Variants in SYT1 observed in about 807,000 individuals in gnomAD.
SYT1 encodes the protein synaptotagmin-1.
SYT1 carries 8 observed loss-of-function variants against 44.8 expected under a neutral mutation model. The ratio of observed to expected loss-of-function variants is 0.18; its 90% confidence interval spans 0.10 to 0.32. The LOEUF is 0.32. Among genes scored for constraint, SYT1 ranks in the 10% least tolerant of loss-of-function variants. SYT1 has a pLI of 1.00. For missense variants in SYT1, 286 were observed against 509.3 expected, an observed-to-expected ratio of 0.56 and a Z score of 4.22; for synonymous variants, 154 against 188.8, an observed-to-expected ratio of 0.82 and a Z score of 1.51.
At chr12:79,016,112 G>C (rs901119633) in intron 2 of SYT1, among the ~76,000 whole-genome samples, 3 of 152,108 alleles carry the variant, frequency 2.0e-5, no homozygotes, top group African/African-American at 7.2e-5. Context: ...TCTAAATTTT[G>C]TGTGTAATGA....
At chr12:79,295,505 T>C (rs546510152) in intron 6 of SYT1, among the ~76,000 whole-genome samples, 1 of 152,264 alleles carries the variant, frequency 6.6e-6, no homozygotes, top group Admixed American at 6.5e-5. Flanking sequence ...TAATAATCAT[T>C]CTACTGTAAG....
chr12:79,032,098 T>C (rs1204014259), intron 2 of SYT1, among the ~76,000 whole-genome samples: 1 of 151,182 alleles, frequency 6.6e-6, no homozygotes, highest in African/African-American at 2.4e-5. Flanking sequence ...AGCTCCATGA[T>C]TCAACTGTAC....
chr12:79,201,387 A>G (rs1873776276), intron 3 of SYT1, among the ~76,000 whole-genome samples: 1 of 152,228 alleles, frequency 6.6e-6, no homozygotes, highest in Non-Finnish European at 1.5e-5. Flanking sequence ...AACAGGCTTC[A>G]TCAAGAAATT....
intron 3 of SYT1, among the ~76,000 whole-genome samples, chr12:79,134,985 C>CCATA (rs370134370): frequency 6.8e-6 from 1 of 147,886 alleles, no homozygotes; most frequent in African/African-American, 2.5e-5. Flanking sequence ...AATGTTCTCA[C>CCATA]CACACACACA....
At chr12:79,006,041 C>A (rs1015800467) in intron 2 of SYT1, among the ~76,000 whole-genome samples, 1 of 152,148 alleles carries the variant, frequency 6.6e-6, no homozygotes, top group African/African-American at 2.4e-5. Context: ...CCACAGGCCT[C>A]ATCTCCTAAC....
Position 78,931,179 on chromosome 12 carries a change from AAAAGAAAGAAAGAAAGAAAG to A in SYT1, c.-216-46577_-216-46558del, listed in dbSNP as rs1165668920. Among the ~76,000 whole-genome samples the A allele has an allele frequency of 4.8e-4, 29 of 59,862 alleles. No individual in the cohort carries two copies. In the East Asian group the frequency reaches 8.0e-3, roughly 17 times the overall value. The allele number at this position is 59,862 out of a possible 152,430, so 39.3% of individuals were successfully genotyped here. ...GTCTGTGGAAAGAAAGAAAGAAAGA[AAAAGAAAGAAAGAAAGAAAG>A]AAAGAAAGAAAGAAAGAAAGAAAGA... On this transcript the variant is annotated intron_variant, in intron 1 of 10. Transcript: ENST00000261205.
intron 1 of SYT1, among the ~76,000 whole-genome samples, chr12:78,912,040 T>A (rs1001475050): frequency 3.3e-5 from 5 of 151,914 alleles, no homozygotes; most frequent in African/African-American, 1.2e-4. Flanking sequence ...CCCAGGTGAG[T>A]TTCCATATTT....
At chr12:79,179,041 G>GAT (rs1458353322) in intron 3 of SYT1, among the ~76,000 whole-genome samples, 12 of 43,618 alleles carry the variant, frequency 2.8e-4, no homozygotes, top group Non-Finnish European at 3.1e-4. Flanking sequence ...TATAGATATA[G>GAT]ATATAGATAT....
chr12:79,276,207 T>C lies in SYT1; in HGVS notation c.167-9580T>C, dbSNP rs977696244. Among the ~76,000 whole-genome samples, 4 of 151,952 alleles carry C rather than the reference T, an allele frequency of 2.6e-5. No individual in the cohort carries two copies. The East Asian group carries it at 7.7e-4, about 29-fold the overall frequency. On this transcript the variant is annotated intron_variant, in intron 4 of 10. Transcript: ENST00000261205. ...ATCACCCTAACTCTCCAGCAAAGGATCCAAATCAAATGAAATCTTTGGAAT... is the reference window on the plus strand; with the variant it reads ...ATCACCCTAACTCTCCAGCAAAGGACCCAAATCAAATGAAATCTTTGGAAT...
chr12:79,181,283 T>G (rs1358642418), intron 3 of SYT1, among the ~76,000 whole-genome samples: 1 of 152,074 alleles, frequency 6.6e-6, no homozygotes, highest in Non-Finnish European at 1.5e-5. Context: ...ATGATTGCAT[T>G]TTTCTTGAGC....
intron 1 of SYT1, among the ~76,000 whole-genome samples, chr12:78,875,197 G>A (rs1170833149): frequency 2.0e-5 from 3 of 151,478 alleles, no homozygotes. Context: ...ACTCTGAATT[G>A]AAGAGGAAAT....
intron 3 of SYT1, among the ~76,000 whole-genome samples, chr12:79,169,012 A>T (rs1168775334): frequency 6.6e-6 from 1 of 152,024 alleles, no homozygotes. Flanking sequence ...TGTGAATGAG[A>T]AATTAAATGG....
At chr12:79,211,002 A>G (rs1021680247) in intron 3 of SYT1, among the ~76,000 whole-genome samples, 1 of 151,020 alleles carries the variant, frequency 6.6e-6, no homozygotes, top group African/African-American at 2.4e-5. Context: ...AGTTTTCTCC[A>G]GAATAAAAGT....
intron 6 of SYT1, among the ~76,000 whole-genome samples, chr12:79,295,487 C>A (rs1879836799): frequency 6.6e-6 from 1 of 152,104 alleles, no homozygotes; most frequent in African/African-American, 2.4e-5. Context: ...AACACAGAAT[C>A]TCATAGATAA....
intron 1 of SYT1, among the ~76,000 whole-genome samples, chr12:78,933,879 A>T (rs975669963): frequency 6.6e-6 from 1 of 150,666 alleles, no homozygotes; most frequent in East Asian, 2.0e-4. Flanking sequence ...ATTTAAGGGA[A>T]CATGCCTGCT....
At position 79,064,948 on chromosome 12, in the gene SYT1, GAAAGAAAGAAAGAAAGAAAGAAA is replaced by G. The variant is rs1875683921; in HGVS notation, c.-18+17587_-18+17609del. 4.4e-5 allele frequency among the ~76,000 whole-genome samples: 6 copies of G among 137,124 alleles called. No homozygotes were observed. The South Asian group carries it at 1.5e-3, about 34-fold the overall frequency. 90.0% of individuals were successfully genotyped at this position (137,124 alleles called of 152,430 possible). A position where few individuals can be genotyped will look rare whatever the true frequency, so the allele number is the denominator to read the frequency against. On this transcript the variant is annotated intron_variant, in intron 3 of 10. Transcript: ENST00000261205. ...AGAGAGAAAGAAAGAAAGAAAGAAA[GAAAGAAAGAAAGAAAGAAAGAAA>G]GAAAGAAAGAAAGAAAGAAAGAAAG...
At chr12:79,052,181 G>T (rs1310269959) in intron 3 of SYT1, among the ~76,000 whole-genome samples, 4 of 151,984 alleles carry the variant, frequency 2.6e-5, no homozygotes, top group South Asian at 2.1e-4. Flanking sequence ...TCTTCCATTT[G>T]TTTGTATCCT....
intron 2 of SYT1, among the ~76,000 whole-genome samples, chr12:79,029,378 GT>G (rs1872710321): frequency 1.3e-5 from 2 of 148,992 alleles, no homozygotes; most frequent in African/African-American, 4.9e-5. Flanking sequence ...AAAAAAATAG[GT>G]AATTAAAGCT....
chr12:79,380,216 G>C (rs1884160315), intron 9 of SYT1, among the ~76,000 whole-genome samples: 1 of 152,164 alleles, frequency 6.6e-6, no homozygotes, highest in Admixed American at 6.5e-5. Flanking sequence ...CTGTCATTTA[G>C]ATATTTTGAG....
Sources: allele counts gnomAD v4.1 joint callset (sites outside exome capture counted in the v4.1 genomes callset), GRCh38; gene constraint gnomAD v4.1.1; transcripts MANE v1.5; gene names NCBI Gene and HGNC (gene_info 2026-07-23, HGNC 2026-07-21).